EML2: variants seen among roughly 807,000 people sequenced by gnomAD.
EML2 encodes the protein EMAP like 2.
A neutral mutation model predicts 84.7 loss-of-function variants in EML2; 59 were observed. The ratio of observed to expected loss-of-function variants is 0.70; its 90% CI spans 0.56 to 0.86. EML2 has a LOEUF of 0.86. Among genes scored for constraint, EML2 ranks in the 40% least tolerant of loss-of-function variants. EML2 has a pLI of 0.00. For missense variants in EML2, 818 were observed against 855.6 expected (o/e 0.96, Z 0.55); for synonymous variants, 352 against 348.9 (o/e 1.01, Z -0.10).
At position 45,613,542 on chromosome 19, in the gene EML2, C is replaced by G; in HGVS notation, c.1823G>C (p.Arg608Pro). 2 of 1,613,850 alleles carry G rather than the reference C, an allele frequency of 1.2e-6. No homozygotes were observed. Among genetic ancestry groups the G allele is most frequent in the Non-Finnish European group, 1.7e-6 (2 of 1,179,880 alleles). The change falls in exon 18 of 19, where the codon CGA becomes CCA. Residue 608 changes from arginine to proline, a missense_variant and splice_region_variant. Physicochemically the swap from Arg to Pro is moderately radical, Grantham distance 103. Transcript: ENST00000245925. ...TCCCCATCTCCCCAAGGGACTCACT[C>G]GAGGCTGACAGCAGGGGTAGCTAAA... The part of the protein sequence containing the change: ...HLFSYPCCQP[R>P]ALSHKYGGHS...
rs140309012 is a variant in EML2 at position 45,621,558 on chromosome 19, C to A, written c.921G>T (p.Thr307=). The A allele has an allele frequency of 6.2e-6, 10 of 1,612,734 alleles. No individual in the cohort carries two copies. The African/African-American group carries it at 1.3e-4, about 22-fold the overall frequency. Residue 307 remains threonine (T), a synonymous_variant, in exon 10 of 19, where the codon ACG becomes ACT. Coordinates refer to ENST00000245925, the MANE Select transcript of EML2 (RefSeq NM_012155.4). ...VFGLCALRDG[T]LVSGGGRDRR... Reference sequence around the variant, plus strand: ...GATCACGGCCCCCTCCAGACACCAGCGTCCCGTCCCGCAGGGCGCAGAGCC... The same window carrying A: ...GATCACGGCCCCCTCCAGACACCAGAGTCCCGTCCCGCAGGGCGCAGAGCC...
intron 12 of EML2, chr19:45,618,782 A>G: frequency 5.3e-6 from 1 of 189,524 alleles, no homozygotes; most frequent in Non-Finnish European, 1.1e-5. Context: ...CCCTGTCTCT[A>G]TTAAAGATAC....
intron 18 of EML2, 95 bp from the exon 19 acceptor site, chr19:45,609,883 T>C: frequency 7.1e-7 from 1 of 1,399,368 alleles, no homozygotes; most frequent in Non-Finnish European, 9.5e-7. Flanking sequence ...TTTCTGCTCT[T>C]CCTCTTTTTT....
At chr19:45,638,661 C>T (rs746730264) in intron 2 of EML2, 27 bp from the exon 3 acceptor site, 9 of 1,611,214 alleles carry the variant, frequency 5.6e-6, no homozygotes. Context: ...AGAGGTCAGG[C>T]ACTGACACCA....
chr19:45,639,359 A>G lies in EML2; in HGVS notation c.18T>C (p.Ala6=). The change falls in exon 1 of 19, where the codon GCT becomes GCC. Residue 6 remains alanine (A), a splice_region_variant and synonymous_variant. Coordinates refer to ENST00000245925, the MANE Select transcript of EML2 (RefSeq NM_012155.4). ...GGTGGTCTGCGAAAGGGTCTCACCCAGCTCCAAAGCTACTCATGGCGGCGG... is the reference window on the plus strand; with the variant it reads ...GGTGGTCTGCGAAAGGGTCTCACCCGGCTCCAAAGCTACTCATGGCGGCGG... MSSFG[A]GKTKEVIFSV... is the part of the protein sequence containing the mutation. The G allele has an allele frequency of 7.8e-7, 1 of 1,279,142 alleles. No individual in the cohort carries two copies. Among genetic ancestry groups the G allele is most frequent in the Non-Finnish European group, 1.0e-6 (1 of 1,004,974 alleles). The allele number at this position is 1,279,142 out of a possible 1,614,324, so 79.2% of individuals were successfully genotyped here.
rs1011039083 is a variant in EML2, at chr19:45,615,677, C to T, written c.1597+125G>A. 6 of 828,318 alleles carry T rather than the reference C, an allele frequency of 7.2e-6. No homozygotes were observed. In the East Asian group the frequency reaches 1.6e-4, roughly 22 times the overall value. The allele number at this position is 828,318 out of a possible 1,614,324, so 51.3% of individuals were successfully genotyped here. A position where few individuals can be genotyped will look rare whatever the true frequency, so the allele number is the denominator to read the frequency against. On this transcript the variant is annotated intron_variant, in intron 16 of 18. Coordinates refer to ENST00000245925, the MANE Select transcript of EML2 (RefSeq NM_012155.4). ...TGAGAAGCCAGCGGTCCCTAAATTCCAAATCAGAACCAGCCTTGAATACCA... is the reference window on the plus strand; with the variant it reads ...TGAGAAGCCAGCGGTCCCTAAATTCTAAATCAGAACCAGCCTTGAATACCA...
At chr19:45,636,442 T>C (rs558202252) in intron 3 of EML2, among the ~76,000 whole-genome samples, 1 of 152,340 alleles carries the variant, frequency 6.6e-6, no homozygotes, top group Admixed American at 6.5e-5. Flanking sequence ...TTTGTTTTTT[T>C]CATTTCTGTA....
upstream of EML2, chr19:45,645,216 G>C: frequency 6.7e-7 from 1 of 1,503,076 alleles, no homozygotes; most frequent in Non-Finnish European, 8.9e-7. Flanking sequence ...GCTGGGGCAA[G>C]AAGAGATGGG....
intron 1 of EML2, 107 bp downstream of exon 1, chr19:45,639,250 G>A: frequency 9.0e-7 from 1 of 1,106,288 alleles, no homozygotes; most frequent in Non-Finnish European, 1.2e-6. Context: ...TTAAGGGAAG[G>A]GGCGTGTCCC....
chr19:45,628,470 A>G (rs1301148153), intron 7 of EML2, among the ~76,000 whole-genome samples: 2 of 152,092 alleles, frequency 1.3e-5, no homozygotes, highest in Admixed American at 6.6e-5. Flanking sequence ...CCTAGCCCTA[A>G]TTCCAGAGCA....
intron 11 of EML2, 58 bp downstream of exon 11, chr19:45,621,149 A>C (rs750952743): frequency 6.3e-7 from 1 of 1,588,816 alleles, no homozygotes; most frequent in Middle Eastern, 1.7e-4. Flanking sequence ...TGGATGATGC[A>C]GGGAAGGCCA....
intron 7 of EML2, 149 bp downstream of exon 7, chr19:45,629,802 T>C (rs1296708564): frequency 2.0e-5 from 13 of 638,950 alleles, no homozygotes; most frequent in Non-Finnish European, 2.9e-5. Flanking sequence ...GGCTCTGAGG[T>C]GGCAAGCGGC....
At chr19:45,612,703 A>C (rs1228522080) in intron 18 of EML2, among the ~76,000 whole-genome samples, 2 of 152,086 alleles carry the variant, frequency 1.3e-5, no homozygotes, top group Non-Finnish European at 2.9e-5. Flanking sequence ...AAAAAAGAAG[A>C]GAAAGGAGAA....
upstream of EML2, chr19:45,642,304 G>C (rs1486294928): frequency 6.5e-7 from 1 of 1,535,806 alleles, no homozygotes; most frequent in South Asian, 1.2e-5. Context: ...CTCCAGCGCC[G>C]ACACGCGGTC....
Position 45,619,148 on chromosome 19 carries a change from C to G in EML2, c.1166G>C (p.Arg389Pro). ...ELWGLATHPS[R>P]AQFVTCGQDK... The stretch of plus-strand genomic sequence containing the variant: ...CTGCCCGCAGGTCACAAACTGGGCC[C>G]GACTGGGGTGTGTGGCCAGGCCCCA... The change falls in exon 12 of 19, where the codon CGG becomes CCG. Residue 389 changes from arginine to proline, a missense_variant. Arg to Pro is a moderately radical substitution (Grantham distance 103). Transcript: ENST00000245925. 6.2e-7 allele frequency: 1 copy of G among 1,612,036 alleles called. No individual in the cohort carries two copies.
intron 17 of EML2, among the ~76,000 whole-genome samples, chr19:45,613,908 C>A (rs369818564): frequency 1.3e-4 from 20 of 152,254 alleles, no homozygotes; most frequent in African/African-American, 3.9e-4. Context: ...GCTCAGCAGG[C>A]CCCATGCACT....
At chr19:45,629,627 T>TG (rs1278002181) in intron 7 of EML2, among the ~76,000 whole-genome samples, 1 of 151,296 alleles carries the variant, frequency 6.6e-6, no homozygotes, top group East Asian at 1.9e-4. Flanking sequence ...CCCGGCCTTT[T>TG]TTTTTTTTTT....
At chr19:45,633,669 C>T (rs1037069123) in intron 4 of EML2, among the ~76,000 whole-genome samples, 1 of 151,826 alleles carries the variant, frequency 6.6e-6, no homozygotes, top group African/African-American at 2.4e-5. Context: ...AACCCAGGAG[C>T]GGAGGTTGCA....
upstream of EML2, chr19:45,643,481 T>A: frequency 6.9e-7 from 1 of 1,456,602 alleles, no homozygotes; most frequent in Non-Finnish European, 9.2e-7. Context: ...CCAAAATGAC[T>A]CCCCGAGTCG....
Sources: gnomAD v4.1 joint callset for allele counts (sites outside exome capture counted in the v4.1 genomes callset) on GRCh38, gnomAD v4.1.1 for gene constraint, MANE v1.5 for transcripts, NCBI Gene and HGNC (gene_info 2026-07-23, HGNC 2026-07-21) for gene names.